CLIP2: variants seen among roughly 807,000 people sequenced by gnomAD.
CLIP2 encodes CAP-Gly domain containing linker protein 2, also known as CAP-Gly domain-containing linker protein 2.
CLIP2 carries 41 observed loss-of-function variants against 111.7 expected under a neutral mutation model. That is an observed-to-expected ratio of 0.37 (90% CI 0.29 to 0.48). CLIP2 has a LOEUF of 0.48. CLIP2 is among the 20% of genes least tolerant of loss of function. The pLI is 0.99. For synonymous variants in CLIP2, 660 were observed against 644.2 expected, an observed-to-expected ratio of 1.02 and a Z score of -0.37; for missense variants, 1,160 against 1,422.1, an observed-to-expected ratio of 0.82 and a Z score of 2.96.
intron 14 of CLIP2, among the ~76,000 whole-genome samples, chr7:74,398,316 G>GC (rs1791516011): frequency 6.6e-6 from 1 of 151,806 alleles, no homozygotes; most frequent in Non-Finnish European, 1.5e-5. Flanking sequence ...CTGAGATTGC[G>GC]CCACTGCACT....
At chr7:74,352,537 C>G (rs1433266735) in intron 3 of CLIP2, among the ~76,000 whole-genome samples, 2 of 151,974 alleles carry the variant, frequency 1.3e-5, no homozygotes, top group Non-Finnish European at 2.9e-5. Flanking sequence ...AACTACAATA[C>G]ATCATCCTCA....
intron 8 of CLIP2, among the ~76,000 whole-genome samples, chr7:74,371,722 G>T (rs1790630572): frequency 1.3e-5 from 2 of 149,772 alleles, no homozygotes; most frequent in Non-Finnish European, 3.0e-5. Flanking sequence ...GGGAAGGAGA[G>T]GGGAGAGAGA....
At position 74,317,579 on chromosome 7, in the gene CLIP2, C is replaced by T. The variant is rs1394530247; in HGVS notation, c.33C>T (p.Gly11=). The T allele has an allele frequency of 6.7e-7, 1 of 1,493,018 alleles. No individual in the cohort carries two copies. Among genetic ancestry groups the T allele is most frequent in the Non-Finnish European group, 9.0e-7 (1 of 1,114,782 alleles). 92.5% of individuals were successfully genotyped at this position (1,493,018 alleles called of 1,614,324 possible). The change falls in exon 2 of 17, where the codon GGC becomes GGT. Residue 11 remains glycine, a synonymous_variant. Transcript: ENST00000223398. ...AGCCCAGCGGCCTGAAGCCCCCCGG[C>T]CGTGGGGGGAAGCACTCCAGCCCCA... MQKPSGLKPP[G]RGGKHSSPMG...
chr7:74,301,807 G>A (rs1403565589), intron 1 of CLIP2, among the ~76,000 whole-genome samples: 4 of 151,558 alleles, frequency 2.6e-5, no homozygotes, highest in Non-Finnish European at 5.9e-5. Flanking sequence ...CTATCTCCTG[G>A]GCTCAAGTGA....
At chr7:74,396,074 A>C (rs1791438504) in intron 13 of CLIP2, among the ~76,000 whole-genome samples, 1 of 152,142 alleles carries the variant, frequency 6.6e-6, no homozygotes, top group African/African-American at 2.4e-5. Flanking sequence ...CAGGCAAGGG[A>C]AAACGCTAGG....
intron 11 of CLIP2, among the ~76,000 whole-genome samples, chr7:74,382,368 G>A (rs1359351464): frequency 6.3e-5 from 9 of 142,722 alleles, no homozygotes; most frequent in Admixed American, 2.9e-4. Context: ...GCAGTGGCAC[G>A]ATCTCAGCTC....
intron 1 of CLIP2, among the ~76,000 whole-genome samples, chr7:74,294,581 AG>A (rs1267820348): frequency 2.0e-5 from 3 of 152,068 alleles, no homozygotes; most frequent in African/African-American, 7.2e-5. Flanking sequence ...GCTCACCAGG[AG>A]GAGCGCCTGG....
At chr7:74,360,722 T>C (rs1790303708) in intron 7 of CLIP2, among the ~76,000 whole-genome samples, 1 of 152,096 alleles carries the variant, frequency 6.6e-6, no homozygotes, top group South Asian at 2.1e-4. Context: ...GGTTAATTTT[T>C]GTATTTTTTG....
At chr7:74,341,335 G>A (rs1041523281) in intron 3 of CLIP2, among the ~76,000 whole-genome samples, 2 of 149,628 alleles carry the variant, frequency 1.3e-5, no homozygotes, top group African/African-American at 2.5e-5. Context: ...CTACAGGCAC[G>A]CACCATCACG....
intron 3 of CLIP2, among the ~76,000 whole-genome samples, chr7:74,346,834 G>A (rs1187613491): frequency 1.3e-5 from 2 of 151,514 alleles, no homozygotes; most frequent in Non-Finnish European, 2.9e-5. Flanking sequence ...AGCAGTTCCA[G>A]ACCAGCCTGG....
intron 8 of CLIP2, among the ~76,000 whole-genome samples, chr7:74,370,457 A>G (rs1383695087): frequency 6.8e-6 from 1 of 146,008 alleles, no homozygotes; most frequent in Non-Finnish European, 1.5e-5. Flanking sequence ...CTCCGTCTCA[A>G]AAAAAAAAAA....
chr7:74,342,797 CG>C (rs1789692650), intron 3 of CLIP2, among the ~76,000 whole-genome samples: 1 of 152,106 alleles, frequency 6.6e-6, no homozygotes, highest in Non-Finnish European at 1.5e-5. Flanking sequence ...CCTATAATCC[CG>C]GCACTTTGAG....
intron 3 of CLIP2, among the ~76,000 whole-genome samples, chr7:74,352,314 G>T (rs1440399141): frequency 6.6e-6 from 1 of 151,994 alleles, no homozygotes; most frequent in Non-Finnish European, 1.5e-5. Context: ...GTGCATGCCT[G>T]TAGTCTCAGC....
intron 8 of CLIP2, among the ~76,000 whole-genome samples, chr7:74,366,036 C>T (rs1411438906): frequency 6.6e-6 from 1 of 152,112 alleles, no homozygotes; most frequent in Non-Finnish European, 1.5e-5. Flanking sequence ...CCTCAGCCTC[C>T]CAAAGGGCTG....
intron 8 of CLIP2, among the ~76,000 whole-genome samples, chr7:74,369,049 T>A (rs1476798600): frequency 6.6e-6 from 1 of 152,162 alleles, no homozygotes; most frequent in Non-Finnish European, 1.5e-5. Flanking sequence ...ACCCCATCTC[T>A]ACAAAAATTA....
intron 2 of CLIP2, among the ~76,000 whole-genome samples, chr7:74,329,669 G>A (rs966675429): frequency 6.7e-6 from 1 of 149,814 alleles, no homozygotes. Context: ...TTTTTTATCT[G>A]CCCCCAAACC....
intron 7 of CLIP2, 31 bp downstream of exon 7, chr7:74,360,309 T>C (rs1554309496): frequency 6.6e-7 from 1 of 1,513,500 alleles, no homozygotes; most frequent in Admixed American, 1.9e-5. Flanking sequence ...GCCCTGGCCC[T>C]GAGTCCCCTT....
At chr7:74,323,253 G>T (rs1005559178) in intron 2 of CLIP2, among the ~76,000 whole-genome samples, 1 of 151,616 alleles carries the variant, frequency 6.6e-6, no homozygotes, top group African/African-American at 2.4e-5. Context: ...TGGGACCATA[G>T]GCAGGTGCCA....
chr7:74,336,156 C>T (rs11979974), intron 2 of CLIP2, among the ~76,000 whole-genome samples: 8,586 of 152,026 alleles, frequency 0.056, 685 homozygotes, highest in African/African-American at 0.18. Context: ...CAACCTCCGC[C>T]TCCTGGGTTC....
Sources: gnomAD v4.1 joint callset for allele counts (sites outside exome capture counted in the v4.1 genomes callset) on GRCh38, gnomAD v4.1.1 for gene constraint, MANE v1.5 for transcripts, NCBI Gene and HGNC (gene_info 2026-07-23, HGNC 2026-07-21) for gene names.